CDH13: variants seen among roughly 807,000 people sequenced by gnomAD.
The protein encoded by CDH13 is cadherin-13.
A neutral mutation model predicts 63.8 loss-of-function variants in CDH13; 24 were observed. The observed-to-expected ratio is 0.38, with a 90% CI of 0.27 to 0.53. CDH13 has a LOEUF of 0.53. CDH13 is among the 20% of genes least tolerant of loss of function. CDH13 has a pLI of 0.85. For missense variants in CDH13, 1,049 were observed against 903.1 expected (o/e 1.16, Z -2.07); for synonymous variants, 503 against 355.3 (o/e 1.42, Z -4.67).
Position 83,684,882 on chromosome 16 carries a change from A to AT in CDH13, c.1538+6431dup, listed in dbSNP as rs1000317871. The stretch of plus-strand genomic sequence containing the variant: ...AGTGGCTCAGAGCAGACGGAAGTTG[A>AT]TTTTTTTTTTCTCACATAAAGTAGG... On this transcript the variant is annotated intron_variant, in intron 10 of 13. Transcript: ENST00000567109. Among the ~76,000 whole-genome samples the AT allele has an allele frequency of 3.9e-3, 589 of 150,734 alleles. 1 individual carries two copies. Among genetic ancestry groups the AT allele is most frequent in the African/African-American group, 0.011 (449 of 41,064 alleles).
chr16:83,137,208 G>C (rs2036329256), intron 4 of CDH13, among the ~76,000 whole-genome samples: 1 of 152,194 alleles, frequency 6.6e-6, no homozygotes, highest in Non-Finnish European at 1.5e-5. Flanking sequence ...TGACAACTCT[G>C]CCTGTTGCAG....
intron 2 of CDH13, among the ~76,000 whole-genome samples, chr16:82,967,605 C>T (rs771547623): frequency 1.3e-4 from 20 of 152,336 alleles, no homozygotes; most frequent in South Asian, 4.1e-4. Flanking sequence ...CTTGAACTCA[C>T]GCTCCTACTG....
rs201265432 is a variant in CDH13 at position 82,855,197 on chromosome 16, A to AT, written c.46-3157dup. Among the ~76,000 whole-genome samples the AT allele has an allele frequency of 3.8e-3, 583 of 152,098 alleles. 2 individuals carry two copies. The highest frequency in any genetic ancestry group is 0.013 in the African/African-American group (541 of 41,486). On this transcript the variant is annotated intron_variant, in intron 1 of 13. Coordinates refer to ENST00000567109, the MANE Select transcript of CDH13 (RefSeq NM_001257.5). ...GTCAGCAGCTGGAAAAGGTTTATTT[A>AT]TTTTTTTTATTTTGTAACTGTAGAG...
intron 7 of CDH13, among the ~76,000 whole-genome samples, chr16:83,524,612 C>A (rs979836582): frequency 6.6e-6 from 1 of 151,936 alleles, no homozygotes; most frequent in Non-Finnish European, 1.5e-5. Context: ...GCCACCACAC[C>A]CAGCTAATTT....
At chr16:82,703,360 G>C (rs1283579307) in intron 1 of CDH13, among the ~76,000 whole-genome samples, 1 of 152,122 alleles carries the variant, frequency 6.6e-6, no homozygotes, top group Non-Finnish European at 1.5e-5. Flanking sequence ...CTGCCTGAGT[G>C]CTTGTTCTAG....
At chr16:83,740,938 G>T (rs879556081) in intron 10 of CDH13, among the ~76,000 whole-genome samples, 1 of 152,220 alleles carries the variant, frequency 6.6e-6, no homozygotes, top group Non-Finnish European at 1.5e-5. Flanking sequence ...ACTTCGGAAG[G>T]CTGAGGAAAG....
intron 1 of CDH13, among the ~76,000 whole-genome samples, chr16:82,789,345 C>A (rs957412750): frequency 6.6e-6 from 1 of 152,128 alleles, no homozygotes; most frequent in Non-Finnish European, 1.5e-5. Context: ...AAGGGAGGGT[C>A]TTCTGAGAGA....
chr16:83,488,330 G>A (rs1176532664), intron 7 of CDH13, among the ~76,000 whole-genome samples: 1 of 152,128 alleles, frequency 6.6e-6, no homozygotes, highest in Non-Finnish European at 1.5e-5. Context: ...TGCCTAGCAT[G>A]GTTGAAGTAC....
chr16:83,162,246 T>C (rs1023663804), intron 4 of CDH13, among the ~76,000 whole-genome samples: 7 of 152,162 alleles, frequency 4.6e-5, no homozygotes, highest in Non-Finnish European at 1.0e-4. Context: ...AAAATTTTCA[T>C]CACCATTGTC....
chr16:83,477,775 G>A (rs2073644470), intron 6 of CDH13, among the ~76,000 whole-genome samples: 2 of 152,170 alleles, frequency 1.3e-5, no homozygotes, highest in Admixed American at 6.5e-5. Flanking sequence ...GTGGGCCTCA[G>A]ACCGAAGCTT....
At chr16:83,128,030 T>G (rs73604208) in intron 4 of CDH13, among the ~76,000 whole-genome samples, 4,483 of 152,212 alleles carry the variant, frequency 0.029, 177 homozygotes, top group African/African-American at 0.087. Flanking sequence ...TCAAAACTCT[T>G]CCCAAACAGT....
At chr16:83,035,251 G>A (rs1311702466) in intron 3 of CDH13, among the ~76,000 whole-genome samples, 1 of 152,142 alleles carries the variant, frequency 6.6e-6, no homozygotes, top group East Asian at 1.9e-4. Flanking sequence ...ATCAGTGAGT[G>A]CCTGAGTCAG....
At chr16:83,238,848 G>A (rs554572522) in intron 5 of CDH13, among the ~76,000 whole-genome samples, 3 of 152,194 alleles carry the variant, frequency 2.0e-5, no homozygotes, top group Admixed American at 6.5e-5. Context: ...ACTTTGTCTG[G>A]CATGGACAAG....
intron 1 of CDH13, among the ~76,000 whole-genome samples, chr16:82,828,018 G>A (rs1296750594): frequency 2.0e-5 from 3 of 152,130 alleles, no homozygotes; most frequent in Non-Finnish European, 4.4e-5. Context: ...AAACCTCTCA[G>A]TTCTAGACAA....
chr16:82,924,802 C>G (rs2042254765), intron 2 of CDH13, among the ~76,000 whole-genome samples: 1 of 152,032 alleles, frequency 6.6e-6, no homozygotes, highest in Non-Finnish European at 1.5e-5. Context: ...AGCAATGGAA[C>G]CAGCTAACAT....
chr16:83,287,645 C>G (rs963619714), intron 5 of CDH13, among the ~76,000 whole-genome samples: 3 of 152,204 alleles, frequency 2.0e-5, no homozygotes, highest in African/African-American at 7.2e-5. Context: ...AGGGCTCTCA[C>G]TGATTCTACA....
rs187625421 is a variant in CDH13, at chr16:83,103,687, G to T, written c.367-21698G>T. On this transcript the variant is annotated intron_variant, in intron 3 of 13. Transcript: ENST00000567109. Reference sequence around the variant, plus strand: ...AGAATTACGTATGTCCTTGAGCAGAGTGTTTAACCTTCCTGTGCCTCACTT... The same window carrying T: ...AGAATTACGTATGTCCTTGAGCAGATTGTTTAACCTTCCTGTGCCTCACTT... Among the ~76,000 whole-genome samples the T allele has an allele frequency of 1.1e-3, 165 of 152,294 alleles. 1 individual carries two copies. The highest frequency in any genetic ancestry group is 9.1e-3 in the South Asian group (44 of 4,818).
intron 3 of CDH13, among the ~76,000 whole-genome samples, chr16:83,102,271 T>A (rs1394711314): frequency 6.6e-6 from 1 of 152,226 alleles, no homozygotes; most frequent in Non-Finnish European, 1.5e-5. Context: ...AAATGTAAGA[T>A]AATAAATGTG....
In CDH13 at chr16:83,475,206, T is replaced by A. The variant is rs1205708561; in HGVS notation, c.782-11271T>A. ...CTGAGCAAGGGGTTCTGTGCAACTG[T>A]GCAGGTCACACGTTCATGAAGTCCA... is the stretch of plus-strand genomic sequence containing the variant. On this transcript the variant is annotated intron_variant, in intron 6 of 13. Coordinates refer to ENST00000567109, the MANE Select transcript of CDH13 (RefSeq NM_001257.5). Among the ~76,000 whole-genome samples, 5 of 152,354 alleles carry A rather than the reference T, an allele frequency of 3.3e-5. No individual in the cohort carries two copies. In the East Asian group the frequency reaches 9.6e-4, roughly 29 times the overall value.
Sources: gnomAD v4.1 joint callset for allele counts (sites outside exome capture counted in the v4.1 genomes callset) on GRCh38, gnomAD v4.1.1 for gene constraint, MANE v1.5 for transcripts, NCBI Gene and HGNC (gene_info 2026-07-23, HGNC 2026-07-21) for gene names.